VAC14: variants seen among roughly 807,000 people sequenced by gnomAD.
VAC14 encodes the protein protein VAC14 homolog.
Under a neutral mutation model 85.3 loss-of-function variants are expected in VAC14, and 47 were observed. That is an observed-to-expected ratio of 0.55 (90% CI 0.44 to 0.70). The LOEUF is 0.70. Ranked by LOEUF, VAC14 falls within the 30% of genes least tolerant of loss-of-function variation. The pLI is 0.00. For missense variants in VAC14, 861 were observed against 1,004.3 expected (o/e 0.86, Z 1.93); for synonymous variants, 447 against 430.5 (o/e 1.04, Z -0.47).
intron 13 of VAC14, among the ~76,000 whole-genome samples, chr16:70,743,980 C>T (rs900265825): frequency 6.6e-6 from 1 of 152,042 alleles, no homozygotes; most frequent in African/African-American, 2.4e-5. Context: ...GTGAATGATG[C>T]CGTCTCCTGC....
intron 10 of VAC14, chr16:70,768,595 G>A: frequency 3.1e-6 from 1 of 319,142 alleles, no homozygotes; most frequent in South Asian, 2.3e-5. Flanking sequence ...GCTAAGCCTG[G>A]GGCCACCAGG....
intron 13 of VAC14, 122 bp downstream of exon 13, chr16:70,744,301 C>T (rs1280800029): frequency 4.3e-6 from 6 of 1,402,178 alleles, no homozygotes; most frequent in Non-Finnish European, 5.7e-6. Flanking sequence ...CCACAGACCC[C>T]TCACACCCTG....
chr16:70,753,032 G>T (rs2031524468), intron 12 of VAC14, among the ~76,000 whole-genome samples: 1 of 152,024 alleles, frequency 6.6e-6, no homozygotes, highest in Non-Finnish European at 1.5e-5. Flanking sequence ...GTGTGTGTGT[G>T]TGTGTGTGTG....
At chr16:70,766,086 C>A (rs1327885234) in intron 10 of VAC14, among the ~76,000 whole-genome samples, 1 of 150,452 alleles carries the variant, frequency 6.6e-6, no homozygotes, top group Non-Finnish European at 1.5e-5. Context: ...GCTGTCAGCT[C>A]ACCTATGGTG....
intron 14 of VAC14, among the ~76,000 whole-genome samples, chr16:70,730,016 C>T (rs1013521309): frequency 2.0e-5 from 3 of 152,110 alleles, no homozygotes; most frequent in East Asian, 3.9e-4. Flanking sequence ...GCTCCCACCT[C>T]GGGGACTGGC....
chr16:70,702,664 A>G (rs1020490243), intron 14 of VAC14, among the ~76,000 whole-genome samples: 3 of 152,256 alleles, frequency 2.0e-5, no homozygotes, highest in African/African-American at 7.2e-5. Context: ...TCAAGAAGAC[A>G]GTAATAATAG....
intron 1 of VAC14, among the ~76,000 whole-genome samples, chr16:70,790,578 G>C (rs558130361): frequency 6.6e-6 from 1 of 152,286 alleles, no homozygotes; most frequent in African/African-American, 2.4e-5. Flanking sequence ...AGAGTACGAG[G>C]AAAGTGGCTC....
intron 17 of VAC14, among the ~76,000 whole-genome samples, chr16:70,693,683 C>T (rs1356013626): frequency 6.6e-6 from 1 of 152,222 alleles, no homozygotes; most frequent in African/African-American, 2.4e-5. Flanking sequence ...GTCCCAGCTT[C>T]CCCAAGGCGC....
chr16:70,740,135 A>C (rs2030125763), intron 13 of VAC14, among the ~76,000 whole-genome samples: 1 of 151,760 alleles, frequency 6.6e-6, no homozygotes, highest in African/African-American at 2.4e-5. Flanking sequence ...TAAATTTTGT[A>C]TTTTCAGTAG....
chr16:70,692,554 T>G (rs1027568222), intron 18 of VAC14, among the ~76,000 whole-genome samples: 2 of 152,206 alleles, frequency 1.3e-5, no homozygotes, highest in African/African-American at 4.8e-5. Context: ...ATAGCCTCAC[T>G]GAGCTGGACC....
chr16:70,776,276 AATT>A (rs1373699425), intron 9 of VAC14, among the ~76,000 whole-genome samples: 3 of 151,920 alleles, frequency 2.0e-5, no homozygotes, highest in African/African-American at 7.3e-5. Flanking sequence ...AATTTTTTAA[AATT>A]ATTATTTTTG....
chr16:70,732,616 C>A (rs2054624081), intron 13 of VAC14, among the ~76,000 whole-genome samples: 1 of 151,972 alleles, frequency 6.6e-6, no homozygotes, highest in Non-Finnish European at 1.5e-5. Context: ...TGGAAGAGAT[C>A]CTCACTCACT....
intron 14 of VAC14, among the ~76,000 whole-genome samples, chr16:70,702,349 G>T (rs1212042789): frequency 6.6e-6 from 1 of 152,212 alleles, no homozygotes; most frequent in Non-Finnish European, 1.5e-5. Flanking sequence ...CCCTCTGAGT[G>T]AGGTGTCTCC....
chr16:70,690,920 T>C, intron 18 of VAC14: 1 of 985,366 alleles, frequency 1.0e-6, no homozygotes, highest in Non-Finnish European at 1.2e-6. Flanking sequence ...ACCCATTTAG[T>C]CCAAATGTGC....
intron 14 of VAC14, 88 bp from the exon 15 acceptor site, chr16:70,698,899 G>A: frequency 7.0e-7 from 1 of 1,428,578 alleles, no homozygotes; most frequent in South Asian, 1.3e-5. Flanking sequence ...TGGTTTTGCA[G>A]CGTCCTGGGG....
At chr16:70,698,109 C>G (rs1207267055) in intron 15 of VAC14, among the ~76,000 whole-genome samples, 2 of 152,334 alleles carry the variant, frequency 1.3e-5, no homozygotes, top group East Asian at 3.9e-4. Context: ...CATCCAGAGC[C>G]TGGGACGGAT....
rs2034019033 is a variant in VAC14, at chr16:70,785,721, A to G, written c.404T>C (p.Leu135Pro). ...RGAVLPHFNV[L>P]FDGLSKLAAD... ...GGTTACCTTGCTCAGCCCGTCAAAG[A>G]GCACGTTGAAGTGGGGCAGCACAGC... The change falls in exon 3 of 19, where the codon CTC (leucine) becomes CCC (proline). Residue 135 changes from leucine (L) to proline (P), a missense_variant. Physicochemically the swap from Leu to Pro is moderately conservative, Grantham distance 98. Transcript: ENST00000261776. The G allele has an allele frequency of 1.9e-6, 3 of 1,564,034 alleles. No individual in the cohort carries two copies. Among genetic ancestry groups the G allele is most frequent in the Admixed American group, 1.9e-5 (1 of 52,614 alleles).
intron 14 of VAC14, chr16:70,715,990 G>C (rs921694881): frequency 6.6e-6 from 1 of 152,228 alleles, no homozygotes; most frequent in Non-Finnish European, 1.5e-5. Context: ...GCCTTTAAAA[G>C]CCAATTCTTG....
chr16:70,692,766 T>C, intron 18 of VAC14, 55 bp downstream of exon 18: 1 of 1,562,460 alleles, frequency 6.4e-7, no homozygotes, highest in Non-Finnish European at 8.6e-7. Flanking sequence ...ACCAGGCTCC[T>C]CTGGGCCTGT....
Sources: gnomAD v4.1 joint callset for allele counts (sites outside exome capture counted in the v4.1 genomes callset) on GRCh38, gnomAD v4.1.1 for gene constraint, MANE v1.5 for transcripts, NCBI Gene and HGNC (gene_info 2026-07-23, HGNC 2026-07-21) for gene names.